AKAP6: variants seen among roughly 807,000 people sequenced by gnomAD.
AKAP6 encodes A-kinase anchor protein 6.
AKAP6 carries 58 observed loss-of-function variants against 188.5 expected under a neutral mutation model. That is an observed-to-expected ratio of 0.31 (90% CI 0.25 to 0.38). The LOEUF (loss-of-function observed/expected upper bound fraction) is 0.38, where lower values mean the gene tolerates loss of function less well. AKAP6 is among the 10% of genes least tolerant of loss of function. The probability of loss-of-function intolerance (pLI) is 1.00; values close to 1 mark genes in which losing one functional copy is unlikely to be tolerated. For synonymous variants in AKAP6, 989 were observed against 998.6 expected (o/e 0.99, Z 0.18); for missense variants, 2,710 against 2,740.0 (o/e 0.99, Z 0.24).
At chr14:32,364,108 A>G (rs1420989383) in intron 1 of AKAP6, among the ~76,000 whole-genome samples, 1 of 152,194 alleles carries the variant, frequency 6.6e-6, no homozygotes, top group African/African-American at 2.4e-5. Flanking sequence ...TGGCGTGGTA[A>G]GCTGCTTTAC....
intron 1 of AKAP6, among the ~76,000 whole-genome samples, chr14:32,427,414 A>G (rs952225565): frequency 6.6e-6 from 1 of 152,188 alleles, no homozygotes; most frequent in African/African-American, 2.4e-5. Context: ...TTAACTTAAT[A>G]CTTGGCAGCA....
At chr14:32,705,619 C>A (rs974027811) in intron 9 of AKAP6, among the ~76,000 whole-genome samples, 2 of 151,890 alleles carry the variant, frequency 1.3e-5, no homozygotes, top group Non-Finnish European at 2.9e-5. Context: ...ATTCATAGAC[C>A]CTGAGCCAAA....
chr14:32,522,393 G>A lies in AKAP6; in HGVS notation c.325-13161G>A, dbSNP rs577345977. Among the ~76,000 whole-genome samples the A allele has an allele frequency of 5.7e-3, 873 of 152,188 alleles. 4 individuals are homozygous for A. Among genetic ancestry groups the A allele is most frequent in the Non-Finnish European group, 9.3e-3 (633 of 68,000 alleles). ...CAGCAAAAGAAACTACCATCAGAGT[G>A]AACAGGCAACCTACAGAATGGGAGA... On this transcript the variant is annotated intron_variant, in intron 2 of 13. Transcript: ENST00000280979.
chr14:32,420,909 T>TGTGTGTGTGTGTGTGTG (rs1889820232), intron 1 of AKAP6, among the ~76,000 whole-genome samples: 1 of 146,410 alleles, frequency 6.8e-6, no homozygotes, highest in South Asian at 2.3e-4. Flanking sequence ...GGAGATTGAT[T>TGTGTGTGTGTGTGTGTG]TGTGTGTGTG....
At chr14:32,796,801 G>T (rs1415986896) in intron 12 of AKAP6, among the ~76,000 whole-genome samples, 1 of 152,116 alleles carries the variant, frequency 6.6e-6, no homozygotes, top group Non-Finnish European at 1.5e-5. Context: ...TCACACATGG[G>T]ATCTAATTAA....
At chr14:32,529,809 A>G (rs1455145997) in intron 2 of AKAP6, among the ~76,000 whole-genome samples, 1 of 152,044 alleles carries the variant, frequency 6.6e-6, no homozygotes, top group Non-Finnish European at 1.5e-5. Context: ...TGCAATTTCA[A>G]TTTCAAAGGT....
intron 4 of AKAP6, among the ~76,000 whole-genome samples, chr14:32,573,780 A>G (rs974599318): frequency 1.3e-5 from 2 of 152,152 alleles, no homozygotes; most frequent in Non-Finnish European, 2.9e-5. Flanking sequence ...CATTCACACC[A>G]CAAAGATGCC....
chr14:32,643,199 G>A (rs1256447024), intron 7 of AKAP6, among the ~76,000 whole-genome samples: 1 of 152,100 alleles, frequency 6.6e-6, no homozygotes, highest in African/African-American at 2.4e-5. Flanking sequence ...AGGAATCAAT[G>A]GTAAAACCCA....
chr14:32,821,497 A>G lies in AKAP6; in HGVS notation c.3684A>G (p.Leu1228=). The G allele has an allele frequency of 6.2e-7, 1 of 1,613,772 alleles. No individual in the cohort carries two copies. The highest frequency in any genetic ancestry group is 8.5e-7 in the Non-Finnish European group (1 of 1,179,820). Residue 1228 remains leucine (L), a synonymous_variant, in exon 13 of 14, where the codon TTA becomes TTG. Coordinates refer to ENST00000280979, the MANE Select transcript of AKAP6 (RefSeq NM_004274.5). ...EWDEMDISNK[L]ISLNEESNDL... The stretch of plus-strand genomic sequence containing the variant: ...ATGAAATGGACATAAGTAACAAGTT[A>G]ATTAGTTTGAATGAGGAATCAAATG...
chr14:32,497,702 A>AT (rs1013732847), intron 2 of AKAP6, among the ~76,000 whole-genome samples: 1 of 151,560 alleles, frequency 6.6e-6, no homozygotes, highest in African/African-American at 2.4e-5. Context: ...ATATATATAT[A>AT]TTTTTTTCCA....
At chr14:32,370,915 C>T (rs1479862826) in intron 1 of AKAP6, among the ~76,000 whole-genome samples, 1 of 152,104 alleles carries the variant, frequency 6.6e-6, no homozygotes, top group African/African-American at 2.4e-5. Flanking sequence ...CTCATTATGA[C>T]TCTTGGTTTT....
chr14:32,722,462 C>T (rs927139061), intron 9 of AKAP6, among the ~76,000 whole-genome samples: 4 of 152,132 alleles, frequency 2.6e-5, no homozygotes, highest in African/African-American at 7.2e-5. Flanking sequence ...ACCTTCAAGC[C>T]TGGAACCGCA....
chr14:32,766,529 T>C (rs1373017145), intron 11 of AKAP6, among the ~76,000 whole-genome samples: 6 of 152,176 alleles, frequency 3.9e-5, no homozygotes, highest in Admixed American at 6.5e-5. Context: ...ATTTCCTTTT[T>C]AGCCATCCTA....
intron 4 of AKAP6, among the ~76,000 whole-genome samples, chr14:32,555,594 C>A (rs557997357): frequency 6.6e-6 from 1 of 152,164 alleles, no homozygotes; most frequent in Non-Finnish European, 1.5e-5. Flanking sequence ...AATAACAACT[C>A]CCCTTTCCCT....
intron 2 of AKAP6, among the ~76,000 whole-genome samples, chr14:32,523,196 G>C (rs1321701195): frequency 6.7e-6 from 1 of 149,130 alleles, no homozygotes; most frequent in Non-Finnish European, 1.5e-5. Context: ...GGAAGGGGGG[G>C]AGGGATAACA....
chr14:32,637,899 G>A (rs901647442), intron 7 of AKAP6, among the ~76,000 whole-genome samples: 2 of 152,072 alleles, frequency 1.3e-5, no homozygotes, highest in East Asian at 3.9e-4. Context: ...ACTTACACTG[G>A]AATTGTCGGA....
At chr14:32,431,275 A>G (rs972791492) in intron 1 of AKAP6, among the ~76,000 whole-genome samples, 3 of 152,128 alleles carry the variant, frequency 2.0e-5, no homozygotes, top group African/African-American at 4.8e-5. Context: ...TATTACTTGT[A>G]AAACTGAATG....
rs535847358 is a variant in AKAP6, at chr14:32,583,393, G to A, written c.2469+6151G>A. On this transcript the variant is annotated intron_variant, in intron 5 of 13. Transcript: ENST00000280979. ...ACCCGGCCGTGTGAGGTGTCAGTCT[G>A]CCCCTACTGGGGGGTGCCTCCCAGT... Among the ~76,000 whole-genome samples the A allele has an allele frequency of 4.6e-5, 7 of 152,332 alleles. No individual in the cohort carries two copies. In the South Asian group the frequency reaches 1.5e-3, roughly 32 times the overall value.
chr14:32,600,909 A>C lies in AKAP6; in HGVS notation c.2730+117A>C, dbSNP rs114708405. On this transcript the variant is annotated intron_variant, in intron 7 of 13. Coordinates refer to ENST00000280979, the MANE Select transcript of AKAP6 (RefSeq NM_004274.5). ...TTTGTTTCTACTGGGTAAACTTTAT[A>C]TCTCTCTCTATATATATATAAACAA... 4,534 of 843,228 alleles carry C rather than the reference A, an allele frequency of 5.4e-3. 156 individuals carry two copies. In the African/African-American group the frequency reaches 0.07, roughly 13 times the overall value. 52.2% of individuals were successfully genotyped at this position (843,228 alleles called of 1,614,324 possible). A position where few individuals can be genotyped will look rare whatever the true frequency, so the allele number is the denominator to read the frequency against.
Sources: gnomAD v4.1 joint callset for allele counts (sites outside exome capture counted in the v4.1 genomes callset) on GRCh38, gnomAD v4.1.1 for gene constraint, MANE v1.5 for transcripts, NCBI Gene and HGNC (gene_info 2026-07-23, HGNC 2026-07-21) for gene names.